The following NRG3 variants were observed in gnomAD, a reference collection of about 807,000 sequenced individuals.
NRG3 encodes the protein pro-neuregulin-3, membrane-bound isoform.
In NRG3, 31 loss-of-function variants were observed where a neutral mutation model predicts 66.9. The observed-to-expected ratio is 0.46, with a 90% confidence interval of 0.35 to 0.63. The LOEUF (loss-of-function observed/expected upper bound fraction) is 0.63, where lower values mean the gene tolerates loss of function less well. Ranked by LOEUF, NRG3 falls within the 20% of genes least tolerant of loss-of-function variation. The probability of loss-of-function intolerance (pLI) is 0.00; values close to 1 mark genes in which losing one functional copy is unlikely to be tolerated. For synonymous variants in NRG3, 393 were observed against 359.4 expected, an observed-to-expected ratio of 1.09 and a Z score of -1.06; for missense variants, 910 against 878.9, an observed-to-expected ratio of 1.04 and a Z score of -0.45.
chr10:82,545,872 C>G (rs1404031578), intron 2 of NRG3, among the ~76,000 whole-genome samples: 3 of 147,316 alleles, frequency 2.0e-5, no homozygotes, highest in African/African-American at 7.6e-5. Flanking sequence ...ACTGCAAGCT[C>G]CTCCTCCCGG....
chr10:82,382,071 A>C (rs1311535711), intron 2 of NRG3, among the ~76,000 whole-genome samples: 2 of 152,112 alleles, frequency 1.3e-5, no homozygotes, highest in Non-Finnish European at 2.9e-5. Flanking sequence ...ATATAATTTG[A>C]TAATTTAAAA....
intron 2 of NRG3, among the ~76,000 whole-genome samples, chr10:82,490,343 G>A (rs764713109): frequency 2.6e-5 from 4 of 151,998 alleles, no homozygotes; most frequent in Non-Finnish European, 5.9e-5. Context: ...CTGCTCAATC[G>A]ATGACCAATT....
chr10:82,857,202 C>G (rs939533948), intron 3 of NRG3, among the ~76,000 whole-genome samples: 1 of 152,146 alleles, frequency 6.6e-6, no homozygotes, highest in African/African-American at 2.4e-5. Flanking sequence ...TGCTGTATAC[C>G]AATATGGGGG....
In NRG3 at chr10:82,348,428, G is replaced by T. The variant is rs1374127235; in HGVS notation, c.824-10311G>T. 3.6e-4 allele frequency among the ~76,000 whole-genome samples: 53 copies of T among 149,122 alleles called. No individual in the cohort carries two copies. The East Asian group carries it at 3.6e-3, about 10-fold the overall frequency. On this transcript the variant is annotated intron_variant, in intron 1 of 8. Coordinates refer to ENST00000372141, the MANE Select transcript of NRG3 (RefSeq NM_001010848.4). ...TCTTCTGGCTTGTAGGGTTTCTGCTGAGAGATCCGCTGTTAGTCTGATGGG... is the reference window on the plus strand; with the variant it reads ...TCTTCTGGCTTGTAGGGTTTCTGCTTAGAGATCCGCTGTTAGTCTGATGGG...
At chr10:82,813,763 G>A (rs1050037576) in intron 3 of NRG3, among the ~76,000 whole-genome samples, 1 of 152,040 alleles carries the variant, frequency 6.6e-6, no homozygotes, top group Non-Finnish European at 1.5e-5. Flanking sequence ...ATTTTGTGGT[G>A]GAGACCATAA....
intron 1 of NRG3, among the ~76,000 whole-genome samples, chr10:82,317,142 T>C (rs1373266561): frequency 6.6e-6 from 1 of 151,990 alleles, no homozygotes; most frequent in Non-Finnish European, 1.5e-5. Context: ...GAATGTGTAA[T>C]CCCTCAAGTG....
At position 81,977,148 on chromosome 10, in the gene NRG3, C is replaced by T. The variant is rs1247588708; in HGVS notation, c.823+100985C>T. Among the ~76,000 whole-genome samples, 7 of 152,174 alleles carry T rather than the reference C, an allele frequency of 4.6e-5. No individual in the cohort carries two copies. In the South Asian group the frequency reaches 1.4e-3, roughly 31 times the overall value. On this transcript the variant is annotated intron_variant, in intron 1 of 8. Transcript: ENST00000372141. ...CTGCATTAAAATTTGGAAGATTGCA[C>T]ACTTGCAGCCTCTGGTGACTTCCCA... is the stretch of plus-strand genomic sequence containing the variant.
chr10:82,975,881 G>T (rs1319858801), intron 7 of NRG3, among the ~76,000 whole-genome samples: 1 of 151,998 alleles, frequency 6.6e-6, no homozygotes, highest in Non-Finnish European at 1.5e-5. Context: ...TTTCTTTTGT[G>T]CACTGCAAAT....
At chr10:82,693,944 C>T (rs185403717) in intron 2 of NRG3, among the ~76,000 whole-genome samples, 28 of 152,296 alleles carry the variant, frequency 1.8e-4, no homozygotes, top group Non-Finnish European at 2.8e-4. Context: ...TATTTGGCCC[C>T]GCCCATGTCC....
intron 1 of NRG3, among the ~76,000 whole-genome samples, chr10:82,055,160 G>A (rs2063774420): frequency 6.6e-6 from 1 of 152,024 alleles, no homozygotes; most frequent in Non-Finnish European, 1.5e-5. Context: ...ATGAAATAGA[G>A]AGGTCATTGG....
In NRG3 at chr10:82,777,769, G is replaced by A. The variant is rs143210865; in HGVS notation, c.1027+39119G>A. Among the ~76,000 whole-genome samples, 99 of 152,298 alleles carry A rather than the reference G, an allele frequency of 6.5e-4. 1 individual carries two copies. The highest frequency in any genetic ancestry group is 2.3e-3 in the African/African-American group (94 of 41,568). On this transcript the variant is annotated intron_variant, in intron 3 of 8. Transcript: ENST00000372141. ...GGGGGTACTGTGTAGTGGTGGCTCC[G>A]GACCCTGGAGTGCTAGGACATAGCC...
intron 2 of NRG3, among the ~76,000 whole-genome samples, chr10:82,464,614 G>T (rs1004784047): frequency 2.0e-5 from 3 of 152,142 alleles, no homozygotes; most frequent in African/African-American, 7.2e-5. Context: ...GCAGCACCCT[G>T]GTCAGCAGCT....
chr10:81,878,048 T>A, intron 1 of NRG3: 1 of 1,537,468 alleles, frequency 6.5e-7, no homozygotes, highest in Non-Finnish European at 8.7e-7. Context: ...TCTTTCTCAA[T>A]TGATTTCCTT....
At chr10:82,053,038 T>C (rs1176469798) in intron 1 of NRG3, among the ~76,000 whole-genome samples, 1 of 142,992 alleles carries the variant, frequency 7.0e-6, no homozygotes, top group East Asian at 1.9e-4. Flanking sequence ...TTTTTATTCA[T>C]TCATTTATCA....
chr10:82,687,744 A>G lies in NRG3; in HGVS notation c.954-50833A>G, dbSNP rs1591174795. On this transcript the variant is annotated intron_variant, in intron 2 of 8. Coordinates refer to ENST00000372141, the MANE Select transcript of NRG3 (RefSeq NM_001010848.4). ...ATGGTGGGGGGAGGGGTGGAATAAT[A>G]TAAACCTTAGAATAAGAGTAGGTCT... is the stretch of plus-strand genomic sequence containing the variant. Among the ~76,000 whole-genome samples, 4 of 152,250 alleles carry G rather than the reference A, an allele frequency of 2.6e-5. 1 individual carries two copies. In the South Asian group the frequency reaches 8.3e-4, roughly 32 times the overall value.
intron 4 of NRG3, among the ~76,000 whole-genome samples, chr10:82,887,945 A>G (rs1017950424): frequency 4.6e-5 from 7 of 152,246 alleles, no homozygotes; most frequent in Non-Finnish European, 1.0e-4. Context: ...TATAAAGGCA[A>G]TTTGTATTAT....
chr10:81,877,265 G>A (rs1317623698), intron 1 of NRG3, among the ~76,000 whole-genome samples: 1 of 152,136 alleles, frequency 6.6e-6, no homozygotes, highest in African/African-American at 2.4e-5. Flanking sequence ...GGAAATCTCA[G>A]GTGTCTTTTA....
intron 2 of NRG3, among the ~76,000 whole-genome samples, chr10:82,484,717 A>G (rs1181008761): frequency 6.6e-6 from 1 of 152,222 alleles, no homozygotes; most frequent in Non-Finnish European, 1.5e-5. Context: ...GCAAAGCCAG[A>G]ATTTAATATG....
chr10:82,413,034 A>T (rs2088228253), intron 2 of NRG3, among the ~76,000 whole-genome samples: 1 of 152,164 alleles, frequency 6.6e-6, no homozygotes, highest in Admixed American at 6.5e-5. Flanking sequence ...TGAGAGTTGG[A>T]ATCAACTTCT....
Sources: allele counts gnomAD v4.1 joint callset (sites outside exome capture counted in the v4.1 genomes callset), GRCh38; gene constraint gnomAD v4.1.1; transcripts MANE v1.5; gene names NCBI Gene and HGNC (gene_info 2026-07-23, HGNC 2026-07-21).